FBXO16: variants seen among roughly 807,000 people sequenced by gnomAD.
FBXO16 encodes F-box only protein 16.
Under a neutral mutation model 41.0 loss-of-function variants are expected in FBXO16, and 31 were observed. The observed-to-expected ratio is 0.76, with a 90% CI of 0.57 to 1.02. The LOEUF is 1.02. FBXO16 is among the 50% of genes least tolerant of loss of function. The pLI is 0.00. For missense variants in FBXO16, 361 were observed against 346.2 expected (o/e 1.04, Z -0.34); for synonymous variants, 133 against 117.8 (o/e 1.13, Z -0.84).
Position 28,454,419 on chromosome 8 carries a change from T to C in FBXO16, c.508-1943A>G, listed in dbSNP as rs539116751. ...GGGAAATTTTAGGCATAAATGCTAGTAGTTATATGTAAAAAATCATTAATT... is the reference window on the plus strand; with the variant it reads ...GGGAAATTTTAGGCATAAATGCTAGCAGTTATATGTAAAAAATCATTAATT... On this transcript the variant is annotated intron_variant, in intron 5 of 8. Coordinates refer to ENST00000380254, the MANE Select transcript of FBXO16 (RefSeq NM_172366.4). Among the ~76,000 whole-genome samples the C allele has an allele frequency of 3.2e-4, 49 of 151,566 alleles. 1 individual carries two copies. The highest frequency in any genetic ancestry group is 5.6e-4 in the Non-Finnish European group (38 of 67,982).
At chr8:28,453,563 T>C (rs1802989310) in intron 5 of FBXO16, among the ~76,000 whole-genome samples, 1 of 151,912 alleles carries the variant, frequency 6.6e-6, no homozygotes, top group Non-Finnish European at 1.5e-5. Flanking sequence ...ACTGGTATGT[T>C]GAGAAGCCAT....
In FBXO16 at chr8:28,456,827, T is replaced by C. The variant is rs745827366; in HGVS notation, c.446A>G (p.Gln149Arg). 2.5e-6 allele frequency: 4 copies of C among 1,614,148 alleles called. No individual in the cohort carries two copies. The highest frequency in any genetic ancestry group is 2.2e-5 in the East Asian group (1 of 44,886). ...AATATAGTGCTTCTTCCAGATCCCC[T>C]GCTCAAAGGGAGTTGGAGAGAAATT... is the stretch of plus-strand genomic sequence containing the variant. Reference protein sequence around the residue: ...YINFSPTPFEQGIWKKHYIQM... With the variant: ...YINFSPTPFERGIWKKHYIQM... Residue 149 changes from glutamine (Q) to arginine (R), a missense_variant, in exon 5 of 9, where the codon CAG (glutamine) becomes CGG (arginine). By Grantham distance (43) the Gln-to-Arg change is conservative. Transcript: ENST00000380254.
chr8:28,474,318 A>C (rs1803386516), intron 2 of FBXO16, among the ~76,000 whole-genome samples: 1 of 31,242 alleles, frequency 3.2e-5, no homozygotes, highest in African/African-American at 3.3e-4. Context: ...GACCCTGTCA[A>C]AAAAAAAAAA....
At chr8:28,455,962 T>C (rs1803032025) in intron 5 of FBXO16, 1 of 152,220 alleles carries the variant, frequency 6.6e-6, no homozygotes, top group South Asian at 2.1e-4. Context: ...ACAGGATTCA[T>C]TGCTGTTTTT....
chr8:28,473,756 A>G lies in FBXO16; in HGVS notation c.135+16T>C. The G allele has an allele frequency of 6.3e-7, 1 of 1,592,944 alleles. No homozygotes were observed. The highest frequency in any genetic ancestry group is 8.6e-7 in the Non-Finnish European group (1 of 1,165,098). ...TAACATAACATAATGCAAAAATAGT[A>G]TTTTTAAATGTTTACCCATTTGCCA... On this transcript the variant is annotated intron_variant, in intron 3 of 8. Transcript: ENST00000380254.
chr8:28,429,522 A>C, intron 7 of FBXO16, 119 bp from the exon 8 acceptor site: 1 of 1,176,188 alleles, frequency 8.5e-7, no homozygotes, highest in Non-Finnish European at 1.2e-6. Flanking sequence ...TCTTGGTTCC[A>C]ACTGTGCAAG....
intron 4 of FBXO16, among the ~76,000 whole-genome samples, chr8:28,462,817 G>A (rs947953827): frequency 6.6e-6 from 1 of 152,132 alleles, no homozygotes; most frequent in Non-Finnish European, 1.5e-5. Flanking sequence ...CTGCCCACTT[G>A]GATCTCTTTT....
intron 1 of FBXO16, among the ~76,000 whole-genome samples, chr8:28,489,268 G>A (rs1191801051): frequency 6.6e-6 from 1 of 152,056 alleles, no homozygotes; most frequent in Non-Finnish European, 1.5e-5. Context: ...CTTGAGCCTG[G>A]GAGGCAGAGG....
chr8:28,481,038 G>A (rs1219895886), intron 2 of FBXO16, among the ~76,000 whole-genome samples: 1 of 138,826 alleles, frequency 7.2e-6, no homozygotes, highest in African/African-American at 2.8e-5. Context: ...AGGTGTGGGA[G>A]AGCAGGGTTC....
At chr8:28,456,303 C>T (rs377062878) in intron 5 of FBXO16, among the ~76,000 whole-genome samples, 16 of 152,254 alleles carry the variant, frequency 1.1e-4, no homozygotes, top group African/African-American at 3.9e-4. Context: ...CCCATGAGGC[C>T]CTTCCCTGAT....
At position 28,483,479 on chromosome 8, in the gene FBXO16, A is replaced by G. The variant is rs202105219; in HGVS notation, c.-16-17T>C. 9.0e-6 allele frequency: 14 copies of G among 1,555,246 alleles called. No individual in the cohort carries two copies. The East Asian group carries it at 3.1e-4, about 35-fold the overall frequency. On this transcript the variant is annotated splice_polypyrimidine_tract_variant and intron_variant, in intron 1 of 8. Transcript: ENST00000380254. ...CTGGATATCCTTCCATAAGAAAAAC[A>G]ACACCTATCAGAAGAAGTGAATCAT...
intron 4 of FBXO16, among the ~76,000 whole-genome samples, chr8:28,457,308 G>A (rs1188392908): frequency 1.3e-5 from 2 of 152,164 alleles, no homozygotes; most frequent in African/African-American, 4.8e-5. Flanking sequence ...TCATATAAAA[G>A]TTGTATAAGG....
chr8:28,439,551 A>G (rs1291166461), intron 7 of FBXO16, among the ~76,000 whole-genome samples: 1 of 152,220 alleles, frequency 6.6e-6, no homozygotes, highest in East Asian at 1.9e-4. Flanking sequence ...GAGCCCAGGC[A>G]AAATAGCGAG....
At chr8:28,487,463 C>T (rs921143256) in intron 1 of FBXO16, among the ~76,000 whole-genome samples, 27 of 143,490 alleles carry the variant, frequency 1.9e-4, no homozygotes, top group African/African-American at 5.2e-4. Context: ...GGCGTGATCT[C>T]GGCTTACTGC....
chr8:28,430,029 C>T (rs980229982), intron 7 of FBXO16, among the ~76,000 whole-genome samples: 32 of 152,150 alleles, frequency 2.1e-4, no homozygotes, highest in Non-Finnish European at 4.0e-4. Context: ...AATTCTTTGT[C>T]CCCCAATGAG....
chr8:28,473,752 T>C lies in FBXO16; in HGVS notation c.135+20A>G, dbSNP rs1236578936. The stretch of plus-strand genomic sequence containing the variant: ...CAGATAACATAACATAATGCAAAAA[T>C]AGTATTTTTAAATGTTTACCCATTT... On this transcript the variant is annotated intron_variant, in intron 3 of 8. Transcript: ENST00000380254. The C allele has an allele frequency of 1.0e-5, 16 of 1,587,662 alleles. No homozygotes were observed. The highest frequency in any genetic ancestry group is 2.2e-5 in the East Asian group (1 of 44,632).
chr8:28,480,229 C>T (rs1803489639), intron 2 of FBXO16, among the ~76,000 whole-genome samples: 1 of 152,060 alleles, frequency 6.6e-6, no homozygotes, highest in Admixed American at 6.5e-5. Context: ...TCTCACTATT[C>T]CAATCTCTAC....
rs1021898216 is a variant in FBXO16 at position 28,465,173 on chromosome 8, TAAA to T, written c.136-1358_136-1356del. 18 of 163,110 alleles carry T rather than the reference TAAA, an allele frequency of 1.1e-4. No homozygotes were observed. In the East Asian group the frequency reaches 2.0e-3, roughly 18 times the overall value. The allele number at this position is 163,110 out of a possible 1,614,324, so 10.1% of individuals were successfully genotyped here. ...ATATATATTTTTTAATTAGTAGTGT[TAAA>T]AAACAAAATGTCAACAAATTGCGTT... is the stretch of plus-strand genomic sequence containing the variant. On this transcript the variant is annotated intron_variant, in intron 3 of 8. Transcript: ENST00000380254.
intron 2 of FBXO16, among the ~76,000 whole-genome samples, chr8:28,477,626 T>C (rs1803443481): frequency 6.6e-6 from 1 of 152,246 alleles, no homozygotes; most frequent in African/African-American, 2.4e-5. Flanking sequence ...GTTTTAAAAT[T>C]GGAAACATTG....
Sources: allele counts gnomAD v4.1 joint callset (sites outside exome capture counted in the v4.1 genomes callset), GRCh38; gene constraint gnomAD v4.1.1; transcripts MANE v1.5; gene names NCBI Gene and HGNC (gene_info 2026-07-23, HGNC 2026-07-21).